AGAP1: variants seen among roughly 807,000 people sequenced by gnomAD.
The protein encoded by AGAP1 is arf-GAP with GTPase, ANK repeat and PH domain-containing protein 1.
In AGAP1, 29 loss-of-function variants were observed where a neutral mutation model predicts 105.3. That is an observed-to-expected ratio of 0.28 (90% CI 0.21 to 0.38). The LOEUF is 0.38. Ranked by LOEUF, AGAP1 falls within the 10% of genes least tolerant of loss-of-function variation. The pLI, the probability that AGAP1 is intolerant of heterozygous loss-of-function variation, is 1.00. For missense variants in AGAP1, 998 were observed against 1,165.1 expected (o/e 0.86, Z 2.09); for synonymous variants, 509 against 485.9 (o/e 1.05, Z -0.63).
In AGAP1 at chr2:235,771,997, A is replaced by ACTT. The variant is rs377170250; in HGVS notation, c.673+21509_673+21510insCTT. On this transcript the variant is annotated intron_variant, in intron 6 of 17. Transcript: ENST00000304032. The stretch of plus-strand genomic sequence containing the variant: ...TGTTTCTTTTTTTTTTTCTTTTCTT[A>ACTT]TCTTTTTTTTTTTTTTGAGTTGGAG... Among the ~76,000 whole-genome samples the ACTT allele has an allele frequency of 2.1e-3, 272 of 131,664 alleles. 5 individuals are homozygous for ACTT. Among genetic ancestry groups the ACTT allele is most frequent in the African/African-American group, 3.0e-3 (103 of 34,030 alleles). The allele number at this position is 131,664 out of a possible 152,430, so 86.4% of individuals were successfully genotyped here.
chr2:235,688,608 T>C (rs1021141704), intron 1 of AGAP1, among the ~76,000 whole-genome samples: 1 of 152,174 alleles, frequency 6.6e-6, no homozygotes, highest in African/African-American at 2.4e-5. Flanking sequence ...TCTCCAGTTA[T>C]AGGTGGGTGG....
intron 13 of AGAP1, among the ~76,000 whole-genome samples, chr2:235,969,457 A>T (rs1315941172): frequency 6.6e-6 from 1 of 152,140 alleles, no homozygotes; most frequent in Non-Finnish European, 1.5e-5. Flanking sequence ...ATGGTGAGAG[A>T]GTGTGGTTAC....
At chr2:235,911,371 G>C (rs1371160282) in intron 11 of AGAP1, among the ~76,000 whole-genome samples, 1 of 152,162 alleles carries the variant, frequency 6.6e-6, no homozygotes, top group Non-Finnish European at 1.5e-5. Flanking sequence ...GGCTCCCCAG[G>C]AGGTAGGCCA....
At chr2:235,501,730 C>T (rs921187369) in intron 1 of AGAP1, among the ~76,000 whole-genome samples, 1 of 152,094 alleles carries the variant, frequency 6.6e-6, no homozygotes, top group Non-Finnish European at 1.5e-5. Flanking sequence ...CCACTGATTT[C>T]GTTTCGTCTT....
rs1023092641 is a variant in AGAP1 at position 236,126,907 on chromosome 2, A to T, written c.*2785A>T. 6.6e-6 allele frequency: 1 copy of T among 152,248 alleles called. No individual in the cohort carries two copies. Among genetic ancestry groups the T allele is most frequent in the Non-Finnish European group, 1.5e-5 (1 of 68,066 alleles). 9.4% of individuals were successfully genotyped at this position (152,248 alleles called of 1,614,324 possible). ...AATTACCACCAAGGCTGGGAGAGGC[A>T]AGGACTGGGGGCGGAGCTAGGAATA... On this transcript the variant is annotated 3_prime_UTR_variant, in exon 18 of 18. Coordinates refer to ENST00000304032, the MANE Select transcript of AGAP1 (RefSeq NM_001037131.3).
At chr2:235,924,874 C>T (rs1442673981) in intron 11 of AGAP1, among the ~76,000 whole-genome samples, 2 of 152,180 alleles carry the variant, frequency 1.3e-5, no homozygotes, top group Non-Finnish European at 2.9e-5. Flanking sequence ...CCCTGTTGTA[C>T]CAGTCTGTTT....
intron 1 of AGAP1, among the ~76,000 whole-genome samples, chr2:235,640,272 C>T (rs1282487373): frequency 1.3e-5 from 2 of 152,356 alleles, no homozygotes; most frequent in East Asian, 3.9e-4. Context: ...CTCCCTAGCT[C>T]TGGCTTGTTT....
At chr2:235,861,084 TA>T (rs1293195979) in intron 9 of AGAP1, among the ~76,000 whole-genome samples, 1 of 152,252 alleles carries the variant, frequency 6.6e-6, no homozygotes, top group Admixed American at 6.5e-5. Flanking sequence ...CAATACTTTA[TA>T]TATAGTATGT....
At chr2:236,031,485 A>G (rs2057223084) in intron 13 of AGAP1, among the ~76,000 whole-genome samples, 1 of 152,094 alleles carries the variant, frequency 6.6e-6, no homozygotes, top group Non-Finnish European at 1.5e-5. Flanking sequence ...CAGCTGCTCA[A>G]AGCTGCCTTC....
Position 235,714,432 on chromosome 2 carries a change from A to G in AGAP1, c.223-3125A>G, listed in dbSNP as rs938159942. ...CAGAGGAGGTGACATCTGAACTGAT[A>G]GTAAGAGTAGGTTTCGGGGAATGAT... On this transcript the variant is annotated intron_variant, in intron 2 of 17. Coordinates refer to ENST00000304032, the MANE Select transcript of AGAP1 (RefSeq NM_001037131.3). This position sits in a 1 kb window ranked among gnomAD's most constrained non-coding sequence, Gnocchi z 4.1. Among the ~76,000 whole-genome samples the G allele has an allele frequency of 6.6e-6, 1 of 151,994 alleles. No individual in the cohort carries two copies. The highest frequency in any genetic ancestry group is 1.5e-5 in the Non-Finnish European group (1 of 68,006).
chr2:235,504,585 C>T (rs1403788499), intron 1 of AGAP1, among the ~76,000 whole-genome samples: 2 of 151,964 alleles, frequency 1.3e-5, no homozygotes, highest in African/African-American at 2.4e-5. Flanking sequence ...TGTGCAGATT[C>T]TCACTTGCCT....
chr2:235,988,830 C>T lies in AGAP1; in HGVS notation c.1645+20207C>T, dbSNP rs1260523133. On this transcript the variant is annotated intron_variant, in intron 13 of 17. Transcript: ENST00000304032. The surrounding 1 kb of genome is among the most constrained non-coding windows in gnomAD (Gnocchi z 4.7). ...GTCAGCATGTGTTTCCCAGACTGGG[C>T]GTCACTGTCGCCTCCTTGACTCTCA... Among the ~76,000 whole-genome samples, 3 of 152,158 alleles carry T rather than the reference C, an allele frequency of 2.0e-5. No individual in the cohort carries two copies. Among genetic ancestry groups the T allele is most frequent in the Non-Finnish European group, 2.9e-5 (2 of 68,030 alleles).
In AGAP1 at chr2:235,967,863, T is replaced by G. The variant is rs1475568629; in HGVS notation, c.1484-599T>G. On this transcript the variant is annotated intron_variant, in intron 12 of 17. Transcript: ENST00000304032. This position sits in a 1 kb window ranked among gnomAD's most constrained non-coding sequence, Gnocchi z 4.7. ...AACTGTTCTAAGTAGCTTCAATGAA[T>G]CAAAAATTGGCAGGCCTACTATATC... 6.6e-6 allele frequency among the ~76,000 whole-genome samples: 1 copy of G among 152,194 alleles called. No homozygotes were observed. Among genetic ancestry groups the G allele is most frequent in the Non-Finnish European group, 1.5e-5 (1 of 68,042 alleles).
In AGAP1 at chr2:236,027,209, A is replaced by C. The variant is rs1353875357; in HGVS notation, c.1646-9352A>C. On this transcript the variant is annotated intron_variant, in intron 13 of 17. Coordinates refer to ENST00000304032, the MANE Select transcript of AGAP1 (RefSeq NM_001037131.3). The surrounding 1 kb of genome is among the most constrained non-coding windows in gnomAD (Gnocchi z 4.4). ...ATATGGCAGATATAAATTAGATCTG[A>C]AACTCTACGTGTGGGTATTCACCTA... 3.3e-5 allele frequency among the ~76,000 whole-genome samples: 5 copies of C among 152,082 alleles called. No individual in the cohort carries two copies. The highest frequency in any genetic ancestry group is 1.5e-5 in the Non-Finnish European group (1 of 67,988).
intron 9 of AGAP1, among the ~76,000 whole-genome samples, chr2:235,813,387 A>T (rs1338306471): frequency 6.6e-6 from 1 of 152,248 alleles, no homozygotes; most frequent in South Asian, 2.1e-4. Context: ...TACACGACCA[A>T]CTGCCATGCT....
chr2:236,032,604 TG>T (rs2057258762), intron 13 of AGAP1, among the ~76,000 whole-genome samples: 1 of 151,200 alleles, frequency 6.6e-6, no homozygotes, highest in South Asian at 2.1e-4. Flanking sequence ...AAAGAGAGGG[TG>T]GTAAAGAGCT....
At chr2:235,836,064 C>G (rs948073802) in intron 9 of AGAP1, among the ~76,000 whole-genome samples, 6 of 152,190 alleles carry the variant, frequency 3.9e-5, no homozygotes, top group African/African-American at 1.4e-4. Context: ...TAATTAACTG[C>G]TAATTACAAA....
chr2:235,980,902 G>A (rs1370382135), intron 13 of AGAP1, among the ~76,000 whole-genome samples: 3 of 152,182 alleles, frequency 2.0e-5, no homozygotes, highest in Non-Finnish European at 2.9e-5. Flanking sequence ...GAGGCATGAT[G>A]TTGCCTCTTA....
intron 1 of AGAP1, among the ~76,000 whole-genome samples, chr2:235,630,430 C>CG (rs1237289578): frequency 6.6e-6 from 1 of 152,140 alleles, no homozygotes; most frequent in Non-Finnish European, 1.5e-5. Flanking sequence ...AGGCTGGTCT[C>CG]GAACTCCTGA....
Sources: gnomAD v4.1 joint callset for allele counts (sites outside exome capture counted in the v4.1 genomes callset) on GRCh38, gnomAD v4.1.1 for gene constraint, Gnocchi (gnomAD v3.1) non-coding constraint, MANE v1.5 for transcripts, NCBI Gene and HGNC (gene_info 2026-07-23, HGNC 2026-07-21) for gene names.